The following CNTNAP2 variants were observed in gnomAD, a reference collection of about 807,000 sequenced individuals.
CNTNAP2 encodes the protein contactin associated protein 2.
CNTNAP2 carries 98 observed loss-of-function variants against 155.2 expected under a neutral mutation model. That is an observed-to-expected ratio of 0.63 (90% CI 0.54 to 0.75). The LOEUF (loss-of-function observed/expected upper bound fraction) is 0.75. CNTNAP2 is among the 30% of genes least tolerant of loss of function. CNTNAP2 has a pLI of 0.00. For missense variants in CNTNAP2, 1,727 were observed against 1,688.1 expected, an observed-to-expected ratio of 1.02 and a Z score of -0.40; for synonymous variants, 651 against 631.2, an observed-to-expected ratio of 1.03 and a Z score of -0.47.
chr7:147,541,121 G>C lies in CNTNAP2; in HGVS notation c.1778-21017G>C, dbSNP rs115856979. ...TTTAAAAATGTATACGATATAGGGGGAAGATGGTAACAGTTAGAACACCCA... is the reference window on the plus strand; with the variant it reads ...TTTAAAAATGTATACGATATAGGGGCAAGATGGTAACAGTTAGAACACCCA... On this transcript the variant is annotated intron_variant, in intron 11 of 23. Coordinates refer to ENST00000361727, the MANE Select transcript of CNTNAP2 (RefSeq NM_014141.6). 5.3e-3 allele frequency among the ~76,000 whole-genome samples: 813 copies of C among 152,238 alleles called. 7 individuals are homozygous for C. The highest frequency in any genetic ancestry group is 0.019 in the African/African-American group (770 of 41,536).
chr7:147,494,944 A>T (rs530457031), intron 11 of CNTNAP2, among the ~76,000 whole-genome samples: 10 of 152,318 alleles, frequency 6.6e-5, no homozygotes, highest in African/African-American at 2.4e-4. Flanking sequence ...AACTTGGTGT[A>T]CAGGATTATC....
intron 11 of CNTNAP2, among the ~76,000 whole-genome samples, chr7:147,489,595 A>G (rs1037567364): frequency 3.3e-5 from 5 of 152,148 alleles, no homozygotes; most frequent in Admixed American, 3.3e-4. Flanking sequence ...TCCCTGCTTC[A>G]GTCTCCCAAA....
At chr7:147,742,577 C>G (rs1396541417) in intron 13 of CNTNAP2, among the ~76,000 whole-genome samples, 1 of 152,192 alleles carries the variant, frequency 6.6e-6, no homozygotes, top group Admixed American at 6.5e-5. Flanking sequence ...TTTAATGCAA[C>G]TATAAATTCC....
intron 3 of CNTNAP2, among the ~76,000 whole-genome samples, chr7:146,966,986 G>C (rs1303421672): frequency 6.6e-6 from 1 of 152,160 alleles, no homozygotes. Context: ...TGAAGCACTT[G>C]GTAGAATGTA....
chr7:147,870,361 A>G (rs1799305712), intron 13 of CNTNAP2, among the ~76,000 whole-genome samples: 1 of 152,156 alleles, frequency 6.6e-6, no homozygotes, highest in Non-Finnish European at 1.5e-5. Context: ...AAAGTAGCCC[A>G]TATGAGGAGC....
chr7:148,269,701 G>A (rs1194508513), intron 21 of CNTNAP2, among the ~76,000 whole-genome samples: 1 of 152,236 alleles, frequency 6.6e-6, no homozygotes, highest in Non-Finnish European at 1.5e-5. Context: ...CCAGAAGAGG[G>A]ATGTATTTGA....
At chr7:146,393,137 A>G (rs2129106859) in intron 1 of CNTNAP2, among the ~76,000 whole-genome samples, 1 of 152,316 alleles carries the variant, frequency 6.6e-6, no homozygotes, top group East Asian at 1.9e-4. Flanking sequence ...ATTTTTCCAC[A>G]GAATGGTTTA....
intron 21 of CNTNAP2, among the ~76,000 whole-genome samples, chr7:148,351,036 G>A (rs940164549): frequency 6.6e-6 from 1 of 152,240 alleles, no homozygotes; most frequent in Non-Finnish European, 1.5e-5. Context: ...AGAGAGGTCA[G>A]GCTGCTGCCT....
chr7:148,176,429 G>C (rs1157896263), intron 18 of CNTNAP2, among the ~76,000 whole-genome samples: 1 of 151,790 alleles, frequency 6.6e-6, no homozygotes, highest in Admixed American at 6.6e-5. Context: ...ATGTTGGCCA[G>C]GCTAGTCTCG....
intron 20 of CNTNAP2, among the ~76,000 whole-genome samples, chr7:148,247,634 T>G (rs1796292444): frequency 7.0e-6 from 1 of 142,026 alleles, no homozygotes; most frequent in East Asian, 2.0e-4. Flanking sequence ...TCTATTTATT[T>G]ATTTATTTAT....
chr7:148,055,849 G>A (rs1563183051), intron 15 of CNTNAP2, among the ~76,000 whole-genome samples: 1 of 152,334 alleles, frequency 6.6e-6, no homozygotes, highest in East Asian at 1.9e-4. Context: ...GAAGGAGGCA[G>A]TGGGTTTCTT....
chr7:148,220,154 G>C (rs1407109133), intron 19 of CNTNAP2, among the ~76,000 whole-genome samples: 1 of 152,258 alleles, frequency 6.6e-6, no homozygotes, highest in Non-Finnish European at 1.5e-5. Flanking sequence ...CCAGGCCGGA[G>C]TGCAGTGGCA....
At chr7:146,774,176 A>AT in intron 1 of CNTNAP2, 95 bp from the exon 2 acceptor site, 1 of 839,440 alleles carries the variant, frequency 1.2e-6, no homozygotes, top group Admixed American at 2.0e-5. Context: ...CATAAAAGAC[A>AT]TATCAGATTC....
At chr7:146,651,492 G>A (rs1433264090) in intron 1 of CNTNAP2, among the ~76,000 whole-genome samples, 1 of 152,138 alleles carries the variant, frequency 6.6e-6, no homozygotes, top group Non-Finnish European at 1.5e-5. Context: ...GTTATTGATA[G>A]TATAAACTGG....
At chr7:147,045,217 C>A (rs756760564) in intron 4 of CNTNAP2, among the ~76,000 whole-genome samples, 11 of 152,044 alleles carry the variant, frequency 7.2e-5, no homozygotes, top group Non-Finnish European at 1.3e-4. Flanking sequence ...CTTATTAGCC[C>A]GTTTCCTACT....
At chr7:146,778,767 A>T (rs1039122513) in intron 2 of CNTNAP2, among the ~76,000 whole-genome samples, 1 of 152,220 alleles carries the variant, frequency 6.6e-6, no homozygotes, top group Non-Finnish European at 1.5e-5. Flanking sequence ...TCAGTTAGAG[A>T]TGCCAATCAA....
chr7:146,783,347 C>T (rs915667054), intron 2 of CNTNAP2, among the ~76,000 whole-genome samples: 6 of 152,166 alleles, frequency 3.9e-5, no homozygotes, highest in Non-Finnish European at 7.4e-5. Flanking sequence ...CTGAAGACCT[C>T]ACAGATTTCA....
At chr7:146,375,594 G>A (rs1340990485) in intron 1 of CNTNAP2, among the ~76,000 whole-genome samples, 1 of 152,190 alleles carries the variant, frequency 6.6e-6, no homozygotes, top group African/African-American at 2.4e-5. Flanking sequence ...ATTATAATTA[G>A]TTATTACTAC....
At chr7:147,991,505 T>C (rs1289510102) in intron 15 of CNTNAP2, among the ~76,000 whole-genome samples, 1 of 152,198 alleles carries the variant, frequency 6.6e-6, no homozygotes, top group Non-Finnish European at 1.5e-5. Context: ...CATTTATTCA[T>C]CTTAACTAAA....
Sources: gnomAD v4.1 joint callset for allele counts (sites outside exome capture counted in the v4.1 genomes callset) on GRCh38, gnomAD v4.1.1 for gene constraint, MANE v1.5 for transcripts, NCBI Gene and HGNC (gene_info 2026-07-23, HGNC 2026-07-21) for gene names.